The following HAS2 variants were observed in gnomAD, a reference collection of about 807,000 sequenced individuals.
HAS2 encodes HA synthase 2.
HAS2 carries 16 observed loss-of-function variants against 51.6 expected under a neutral mutation model. That is an observed-to-expected ratio of 0.31 (90% confidence interval 0.21 to 0.47). The LOEUF (loss-of-function observed/expected upper bound fraction) is 0.47. HAS2 is among the 20% of genes least tolerant of loss of function. HAS2 has a pLI of 1.00. For missense variants in HAS2, 361 were observed against 662.6 expected (o/e 0.54, Z 5.00); for synonymous variants, 228 against 235.5 (o/e 0.97, Z 0.29).
At chr8:121,616,741 T>C (rs1812709509) in intron 3 of HAS2, among the ~76,000 whole-genome samples, 1 of 152,182 alleles carries the variant, frequency 6.6e-6, no homozygotes, top group African/African-American at 2.4e-5. Context: ...CGGCTCATAC[T>C]TCTATTTCTT....
intron 1 of HAS2, among the ~76,000 whole-genome samples, chr8:121,630,970 C>G (rs1812922509): frequency 6.6e-6 from 1 of 152,318 alleles, no homozygotes; most frequent in East Asian, 1.9e-4. Context: ...TGTTACCTTT[C>G]CTTCCTGAGC....
intron 1 of HAS2, chr8:121,639,659 C>T (rs1813063048): frequency 6.6e-6 from 1 of 152,536 alleles, no homozygotes; most frequent in South Asian, 2.1e-4. Flanking sequence ...GCCGTTCCCC[C>T]GCGGCTGCGT....
chr8:121,621,024 T>C (rs1812767229), intron 2 of HAS2, among the ~76,000 whole-genome samples: 4 of 152,140 alleles, frequency 2.6e-5, no homozygotes, highest in Admixed American at 2.6e-4. Flanking sequence ...TATGGCTGCT[T>C]TTCACCCTGC....
chr8:121,637,958 G>A (rs1813035360), intron 1 of HAS2, among the ~76,000 whole-genome samples: 1 of 152,144 alleles, frequency 6.6e-6, no homozygotes, highest in Non-Finnish European at 1.5e-5. Flanking sequence ...TCATACAAGA[G>A]CCAGAAAGCT....
At chr8:121,631,540 A>G (rs560357976) in intron 1 of HAS2, among the ~76,000 whole-genome samples, 1 of 152,370 alleles carries the variant, frequency 6.6e-6, no homozygotes, top group African/African-American at 2.4e-5. Flanking sequence ...TTCCACTTCT[A>G]GCAACTATAT....
intron 2 of HAS2, among the ~76,000 whole-genome samples, chr8:121,624,093 TTATTTAA>T (rs1812811065): frequency 6.6e-6 from 1 of 152,234 alleles, no homozygotes; most frequent in South Asian, 2.1e-4. Context: ...TATATGTACC[TTATTTAA>T]TATACATATA....
rs557302901 is a variant in HAS2 at position 121,641,154 on chromosome 8, T to C, written c.-302A>G. 73 of 83,502 alleles carry C rather than the reference T, an allele frequency of 8.7e-4. No homozygotes were observed. Among genetic ancestry groups the C allele is most frequent in the African/African-American group, 3.9e-3 (71 of 18,360 alleles). The allele number at this position is 83,502 out of a possible 1,614,324, so 5.2% of individuals were successfully genotyped here. On this transcript the variant is annotated 5_prime_UTR_variant, in exon 1 of 4. Transcript: ENST00000303924. ...AAATTAACTTTTCTTTTTTCTTTTCTTTTCTTTTTTTTTTTTTTTTTTTTT... is the reference window on the plus strand; with the variant it reads ...AAATTAACTTTTCTTTTTTCTTTTCCTTTCTTTTTTTTTTTTTTTTTTTTT...
At chr8:121,624,941 A>C (rs1812822658) in intron 2 of HAS2, among the ~76,000 whole-genome samples, 1 of 151,542 alleles carries the variant, frequency 6.6e-6, no homozygotes, top group South Asian at 2.1e-4. Flanking sequence ...TAAAAATACA[A>C]AAAAAAATTA....
At chr8:121,631,387 TCAAAGACCCCACAGGA>T (rs1812926669) in intron 1 of HAS2, among the ~76,000 whole-genome samples, 2 of 152,150 alleles carry the variant, frequency 1.3e-5, no homozygotes, top group African/African-American at 4.8e-5. Flanking sequence ...ACAGAACTTG[TCAAAGACCCCACAGGA>T]CTGTGGTGAG....
In HAS2 at chr8:121,613,006, A is replaced by C. The variant is rs548159709; in HGVS notation, c.*1103T>G. Reference sequence around the variant, plus strand: ...TGTGTAGGTAGGACCCAGTAAATTCAGGCCACAGAACAAAACCTTTGATAA... The same window carrying C: ...TGTGTAGGTAGGACCCAGTAAATTCCGGCCACAGAACAAAACCTTTGATAA... On this transcript the variant is annotated 3_prime_UTR_variant, in exon 4 of 4. Transcript: ENST00000303924. 19 of 152,024 alleles carry C rather than the reference A, an allele frequency of 1.2e-4. No individual in the cohort carries two copies. Among genetic ancestry groups the C allele is most frequent in the Admixed American group, 5.2e-4 (8 of 15,278 alleles). The allele number at this position is 152,024 out of a possible 1,614,324, so 9.4% of individuals were successfully genotyped here. A position where few individuals can be genotyped will look rare whatever the true frequency, so the allele number is the denominator to read the frequency against.
In HAS2 at chr8:121,614,588, C is replaced by T. The variant is rs1409445927; in HGVS notation, c.1180G>A (p.Val394Ile). 6.2e-7 allele frequency: 1 copy of T among 1,613,824 alleles called. No homozygotes were observed. The highest frequency in any genetic ancestry group is 8.5e-7 in the Non-Finnish European group (1 of 1,179,688). Residue 394 changes from valine to isoleucine, a missense_variant, in exon 4 of 4, where the codon GTA becomes ATA. Around this residue, in one of 5 missense-constraint regions of HAS2, gnomAD observed 106 missense variants for 241.0 expected, o/e 0.44. Coordinates refer to ENST00000303924, the MANE Select transcript of HAS2 (RefSeq NM_005328.3). The surrounding 1 kb of genome is among the most constrained non-coding windows in gnomAD (Gnocchi z 7.2). The part of the protein sequence containing the change: ...GFFPFFLIAT[V>I]IQLFYRGKIW... Reference sequence around the variant, plus strand: ...TTACCCCGGTAGAAGAGCTGGATTACTGTGGCAATGAGAAAGAAAGGAAAG... The same window carrying T: ...TTACCCCGGTAGAAGAGCTGGATTATTGTGGCAATGAGAAAGAAAGGAAAG...
intron 1 of HAS2, among the ~76,000 whole-genome samples, chr8:121,632,735 CTCA>C (rs78052408): frequency 0.1 from 15,234 of 148,080 alleles, 1,036 homozygotes; most frequent in African/African-American, 0.19. Context: ...TGCAAATTTA[CTCA>C]TCATCATCAT....
At chr8:121,637,228 T>G (rs1422781657) in intron 1 of HAS2, among the ~76,000 whole-genome samples, 1 of 152,132 alleles carries the variant, frequency 6.6e-6, no homozygotes, top group East Asian at 1.9e-4. Context: ...ACAGATGTAT[T>G]CAGTTAAGAG....
At chr8:121,630,850 G>A (rs927389139) in intron 1 of HAS2, among the ~76,000 whole-genome samples, 8 of 152,114 alleles carry the variant, frequency 5.3e-5, no homozygotes, top group Non-Finnish European at 8.8e-5. Flanking sequence ...AGCTCCAAGA[G>A]GCACCATTCA....
At chr8:121,637,836 C>T (rs1813032344) in intron 1 of HAS2, among the ~76,000 whole-genome samples, 1 of 152,180 alleles carries the variant, frequency 6.6e-6, no homozygotes, top group African/African-American at 2.4e-5. Context: ...CTGCCACCAA[C>T]TCTGTCATTG....
At chr8:121,635,737 C>G (rs939347267) in intron 1 of HAS2, among the ~76,000 whole-genome samples, 3 of 152,168 alleles carry the variant, frequency 2.0e-5, no homozygotes, top group Admixed American at 1.3e-4. Flanking sequence ...TTTAAACACA[C>G]AAAGGCACAA....
rs542809763 is a variant in HAS2, at chr8:121,616,261, C to T, written c.729+844G>A. On this transcript the variant is annotated intron_variant, in intron 3 of 3. Transcript: ENST00000303924. Reference sequence around the variant, plus strand: ...AATGATGGACAATATTGGAAAACCACTTATCCATTCTTTGCCTTTCTCACT... The same window carrying T: ...AATGATGGACAATATTGGAAAACCATTTATCCATTCTTTGCCTTTCTCACT... Among the ~76,000 whole-genome samples, 3 of 152,150 alleles carry T rather than the reference C, an allele frequency of 2.0e-5. No homozygotes were observed. In the South Asian group the frequency reaches 6.2e-4, roughly 32 times the overall value.
chr8:121,629,724 C>A (rs1436650705), intron 1 of HAS2, among the ~76,000 whole-genome samples: 1 of 152,182 alleles, frequency 6.6e-6, no homozygotes, highest in African/African-American at 2.4e-5. Flanking sequence ...CCAAAGAAGT[C>A]ATTCTTCTAT....
At chr8:121,623,824 A>G (rs1812807860) in intron 2 of HAS2, among the ~76,000 whole-genome samples, 1 of 152,164 alleles carries the variant, frequency 6.6e-6, no homozygotes, top group African/African-American at 2.4e-5. Context: ...ATAAAAATAA[A>G]CTTACTATTC....
Sources: allele counts gnomAD v4.1 joint callset (sites outside exome capture counted in the v4.1 genomes callset), GRCh38; gene constraint gnomAD v4.1.1; regional missense constraint gnomAD v4.1.1; non-coding constraint Gnocchi (gnomAD v3.1); transcripts MANE v1.5; gene names NCBI Gene and HGNC (gene_info 2026-07-23, HGNC 2026-07-21).